The following HMCN1 variants were observed in gnomAD, a reference collection of about 807,000 sequenced individuals.
HMCN1 encodes hemicentin 1.
HMCN1 carries 321 observed loss-of-function variants against 625.9 expected under a neutral mutation model. The ratio of observed to expected loss-of-function variants is 0.51; its 90% CI spans 0.47 to 0.56. The LOEUF (loss-of-function observed/expected upper bound fraction) is 0.56. Among genes scored for constraint, HMCN1 ranks in the 20% least tolerant of loss-of-function variants. The pLI, the probability that HMCN1 is intolerant of heterozygous loss-of-function variation, is 0.00. For synonymous variants in HMCN1, 2,425 were observed against 2,417.6 expected (o/e 1.00, Z -0.09); for missense variants, 6,588 against 6,887.3 (o/e 0.96, Z 1.54).
At chr1:186,067,464 A>G (rs1383525353) in intron 49 of HMCN1, among the ~76,000 whole-genome samples, 2 of 152,072 alleles carry the variant, frequency 1.3e-5, no homozygotes, top group African/African-American at 4.8e-5. Context: ...TTTAAGGCTC[A>G]CTTTAAATCC....
chr1:185,850,113 T>C (rs1324635722), intron 2 of HMCN1, among the ~76,000 whole-genome samples: 1 of 152,224 alleles, frequency 6.6e-6, no homozygotes, highest in African/African-American at 2.4e-5. Flanking sequence ...TATTAACCTG[T>C]GCTTCATCTG....
intron 4 of HMCN1, among the ~76,000 whole-genome samples, chr1:185,870,056 G>A (rs1663515737): frequency 6.7e-6 from 1 of 148,308 alleles, no homozygotes; most frequent in Non-Finnish European, 1.5e-5. Flanking sequence ...CAATGATTAA[G>A]TAGAAGATCT....
In HMCN1 at chr1:186,137,963, C is replaced by G. The variant is rs758286747; in HGVS notation, c.13915C>G (p.Pro4639Ala). 1.2e-6 allele frequency: 2 copies of G among 1,613,880 alleles called. No homozygotes were observed. The highest frequency in any genetic ancestry group is 1.7e-6 in the Non-Finnish European group (2 of 1,179,904). ...AVEIIMCNIR[P>A]CPVHGAWSAW... The stretch of plus-strand genomic sequence containing the variant: ...GGAAATAATTATGTGCAACATTAGG[C>G]CTTGCCCAGGTGAGAAACCACCAAT... The change falls in exon 89 of 107, where the codon CCT (proline) becomes GCT (alanine). Residue 4639 changes from proline to alanine, a missense_variant. Physicochemically the swap from Pro to Ala is conservative, Grantham distance 27. Around this residue, in one of 3 missense-constraint regions of HMCN1, gnomAD observed 1,954 missense variants for 2,013.1 expected, o/e 0.97. Coordinates refer to ENST00000271588, the MANE Select transcript of HMCN1 (RefSeq NM_031935.3).
chr1:186,007,990 T>C (rs1653752318), intron 30 of HMCN1, among the ~76,000 whole-genome samples: 1 of 152,146 alleles, frequency 6.6e-6, no homozygotes, highest in Admixed American at 6.5e-5. Flanking sequence ...AAGGAAAATT[T>C]AGACACCTCT....
chr1:186,015,262 C>T lies in HMCN1; in HGVS notation c.4734C>T (p.Ala1578=). The change falls in exon 31 of 107, where the codon GCC becomes GCT. Residue 1578 remains alanine, a synonymous_variant. Coordinates refer to ENST00000271588, the MANE Select transcript of HMCN1 (RefSeq NM_031935.3). ...ECETRGLPMP[A]ITWYKDGQPI... The stretch of plus-strand genomic sequence containing the variant: ...AAACACGGGGACTTCCAATGCCTGC[C>T]ATTACTTGGTATAAGGACGGGCAGC... The T allele has an allele frequency of 6.2e-7, 1 of 1,613,742 alleles. No homozygotes were observed. Among genetic ancestry groups the T allele is most frequent in the Non-Finnish European group, 8.5e-7 (1 of 1,179,790 alleles).
intron 11 of HMCN1, among the ~76,000 whole-genome samples, chr1:185,938,173 A>C (rs1370317111): frequency 1.3e-5 from 2 of 152,124 alleles, no homozygotes; most frequent in Admixed American, 6.5e-5. Context: ...TAGGAAGCAA[A>C]GATGATTGAA....
Position 186,078,073 on chromosome 1 carries a change from T to C in HMCN1, c.8486-34T>C, listed in dbSNP as rs376888215. On this transcript the variant is annotated intron_variant, in intron 54 of 106. Transcript: ENST00000271588. ...TTATGGCTTGTGTTCACTCTAAGAT[T>C]AGAGGAGTAAACATAGTGGGATATT... is the stretch of plus-strand genomic sequence containing the variant. 8.8e-6 allele frequency: 13 copies of C among 1,475,224 alleles called. No homozygotes were observed. The African/African-American group carries it at 1.8e-4, about 20-fold the overall frequency. The allele number at this position is 1,475,224 out of a possible 1,614,324, so 91.4% of individuals were successfully genotyped here. A position where few individuals can be genotyped will look rare whatever the true frequency, so the allele number is the denominator to read the frequency against.
intron 97 of HMCN1, 61 bp from the exon 98 acceptor site, chr1:186,165,050 A>G: frequency 5.5e-6 from 8 of 1,442,242 alleles, no homozygotes; most frequent in Non-Finnish European, 6.8e-6. Flanking sequence ...ATGGTACTGG[A>G]AAGAAGCCAG....
At chr1:186,138,788 G>T (rs570472227) in intron 89 of HMCN1, among the ~76,000 whole-genome samples, 8 of 152,312 alleles carry the variant, frequency 5.3e-5, no homozygotes, top group African/African-American at 1.9e-4. Context: ...CTGAACTCAA[G>T]TGAGTCCAGG....
intron 81 of HMCN1, 60 bp downstream of exon 81, chr1:186,123,280 C>T (rs1661485358): frequency 6.4e-7 from 1 of 1,562,264 alleles, no homozygotes; most frequent in East Asian, 2.3e-5. Context: ...AGAGAAAAGG[C>T]TACCAAGAGC....
chr1:186,077,762 G>A (rs1210041401), intron 54 of HMCN1, among the ~76,000 whole-genome samples: 3 of 152,148 alleles, frequency 2.0e-5, no homozygotes, highest in Non-Finnish European at 4.4e-5. Context: ...AGCAAATGGT[G>A]TAAACTTCTA....
intron 4 of HMCN1, among the ~76,000 whole-genome samples, chr1:185,872,963 A>G (rs1166967672): frequency 6.6e-6 from 1 of 152,168 alleles, no homozygotes; most frequent in Non-Finnish European, 1.5e-5. Flanking sequence ...TTCTTCCTAA[A>G]ATACCAAAAA....
At chr1:185,817,031 AG>A (rs760665255) in intron 1 of HMCN1, among the ~76,000 whole-genome samples, 1 of 152,204 alleles carries the variant, frequency 6.6e-6, no homozygotes, top group Non-Finnish European at 1.5e-5. Context: ...ACATAGTGGA[AG>A]CTCAGTAAAT....
At position 185,949,452 on chromosome 1, in the gene HMCN1, T is replaced by C. The variant is rs553578304; in HGVS notation, c.1829-13066T>C. ...CTGAGAAGGGAAAGTGGTAAAAGTA[T>C]TGTCCAGTCCTTTTTAAGTTGGTGG... On this transcript the variant is annotated intron_variant, in intron 11 of 106. Coordinates refer to ENST00000271588, the MANE Select transcript of HMCN1 (RefSeq NM_031935.3). 2.0e-5 allele frequency among the ~76,000 whole-genome samples: 3 copies of C among 152,020 alleles called. No individual in the cohort carries two copies. In the East Asian group the frequency reaches 5.8e-4, roughly 29 times the overall value.
In HMCN1 at chr1:186,136,702, T is replaced by C; in HGVS notation, c.13347T>C (p.Thr4449=). The C allele has an allele frequency of 6.2e-7, 1 of 1,613,986 alleles. No individual in the cohort carries two copies. The highest frequency in any genetic ancestry group is 8.5e-7 in the Non-Finnish European group (1 of 1,179,914). Residue 4449 remains threonine, a synonymous_variant, in exon 87 of 107, where the codon ACT becomes ACC. Coordinates refer to ENST00000271588, the MANE Select transcript of HMCN1 (RefSeq NM_031935.3). ...TTATCACTCTTGAGCCAGTGGAAAC[T>C]GTTATTAATGCTGGTGGCAAAATCA... is the stretch of plus-strand genomic sequence containing the variant. ...PPIITLEPVE[T]VINAGGKIIL...
At chr1:185,740,087 G>A (rs1004837565) in intron 1 of HMCN1, among the ~76,000 whole-genome samples, 1 of 152,160 alleles carries the variant, frequency 6.6e-6, no homozygotes, top group Admixed American at 6.5e-5. Flanking sequence ...GAAGTTAGAG[G>A]GTGAAGTCAG....
intron 1 of HMCN1, among the ~76,000 whole-genome samples, chr1:185,789,620 A>G (rs948627260): frequency 1.3e-5 from 2 of 152,204 alleles, no homozygotes; most frequent in Admixed American, 6.5e-5. Context: ...TGAATGACAT[A>G]TGACATATGA....
At chr1:185,980,874 G>C in intron 16 of HMCN1, 104 bp from the exon 17 acceptor site, 1 of 794,100 alleles carries the variant, frequency 1.3e-6, no homozygotes, top group Non-Finnish European at 2.3e-6. Context: ...TCTTCAACCA[G>C]AAGGCAGTGC....
At position 185,775,260 on chromosome 1, in the gene HMCN1, C is replaced by T. The variant is rs1019460612; in HGVS notation, c.268+40213C>T. On this transcript the variant is annotated intron_variant, in intron 1 of 106. Coordinates refer to ENST00000271588, the MANE Select transcript of HMCN1 (RefSeq NM_031935.3). ...AAGTAAGAAAAGAAATAATCCAGCCCATCGTTGTGGCACACACCTGTAGTC... is the reference window on the plus strand; with the variant it reads ...AAGTAAGAAAAGAAATAATCCAGCCTATCGTTGTGGCACACACCTGTAGTC... 3.9e-5 allele frequency among the ~76,000 whole-genome samples: 6 copies of T among 152,032 alleles called. No individual in the cohort carries two copies. The South Asian group carries it at 1.0e-3, about 26-fold the overall frequency.
Sources: gnomAD v4.1 joint callset for allele counts (sites outside exome capture counted in the v4.1 genomes callset) on GRCh38, gnomAD v4.1.1 for gene constraint, gnomAD v4.1.1 regional missense constraint, MANE v1.5 for transcripts, NCBI Gene and HGNC (gene_info 2026-07-23, HGNC 2026-07-21) for gene names.